SEL1L: variants seen among roughly 807,000 people sequenced by gnomAD.
The protein encoded by SEL1L is protein sel-1 homolog 1.
Under a neutral mutation model 109.8 loss-of-function variants are expected in SEL1L, and 52 were observed. The ratio of observed to expected loss-of-function variants is 0.47; its 90% CI spans 0.38 to 0.60. SEL1L has a LOEUF of 0.60. Ranked by LOEUF, SEL1L falls within the 20% of genes least tolerant of loss-of-function variation. The pLI is 0.00. For synonymous variants in SEL1L, 373 were observed against 339.6 expected (o/e 1.10, Z -1.08); for missense variants, 749 against 962.2 (o/e 0.78, Z 2.93).
intron 4 of SEL1L, 44 bp downstream of exon 4, chr14:81,506,030 G>T: frequency 6.3e-7 from 1 of 1,584,604 alleles, no homozygotes; most frequent in Non-Finnish European, 8.6e-7. Context: ...CATTGCCCTA[G>T]ACATAAAGCA....
intron 19 of SEL1L, among the ~76,000 whole-genome samples, chr14:81,480,063 C>T (rs1393811324): frequency 6.6e-6 from 1 of 152,198 alleles, no homozygotes; most frequent in African/African-American, 2.4e-5. Context: ...GAAACTCACA[C>T]TAATTTTTTG....
intron 4 of SEL1L, among the ~76,000 whole-genome samples, chr14:81,505,196 T>C (rs1308583955): frequency 2.0e-5 from 3 of 152,202 alleles, no homozygotes; most frequent in Non-Finnish European, 4.4e-5. Context: ...AACTATATAA[T>C]ACAAGTTAGT....
Position 81,497,943 on chromosome 14 carries a change from ATCT to A in SEL1L, c.1074_1076del (p.Glu358del). 4 of 1,614,130 alleles carry A rather than the reference ATCT, an allele frequency of 2.5e-6. No homozygotes were observed. The highest frequency in any genetic ancestry group is 1.1e-5 in the South Asian group (1 of 91,068). ...CTAGGAACTGGTAATATTGAATCAA[ATCT>A]TCTTCTAGCATTCCACTGTTCATTC... On this transcript the variant is annotated inframe_deletion, in exon 10 of 21. Transcript: ENST00000336735.
At chr14:81,533,620 T>C (rs1475104674) in intron 1 of SEL1L, 55 bp downstream of exon 1, 2 of 1,568,108 alleles carry the variant, frequency 1.3e-6, no homozygotes, top group Non-Finnish European at 1.7e-6. Flanking sequence ...CCGCCGGCTG[T>C]AGAGGCTGGG....
At chr14:81,480,467 T>C (rs909670960) in intron 19 of SEL1L, among the ~76,000 whole-genome samples, 6 of 152,160 alleles carry the variant, frequency 3.9e-5, no homozygotes, top group African/African-American at 7.2e-5. Flanking sequence ...CTCATTCTTA[T>C]AATCCCAACA....
chr14:81,499,551 T>C lies in SEL1L; in HGVS notation c.832-33A>G, dbSNP rs374600098. 29 of 1,607,678 alleles carry C rather than the reference T, an allele frequency of 1.8e-5. No homozygotes were observed. In the African/African-American group the frequency reaches 2.8e-4, roughly 16 times the overall value. On this transcript the variant is annotated intron_variant, in intron 7 of 20. Transcript: ENST00000336735. ...AGAACAAAACATGTTTAACTGAACA[T>C]AGGCACGCATTTATTCAATTCAAAT...
At chr14:81,501,380 T>A (rs1230497981) in intron 6 of SEL1L, among the ~76,000 whole-genome samples, 1 of 152,186 alleles carries the variant, frequency 6.6e-6, no homozygotes, top group Non-Finnish European at 1.5e-5. Context: ...AGGGAACTGA[T>A]GCCTTATAAA....
At chr14:81,495,570 C>T (rs1260277026) in intron 10 of SEL1L, among the ~76,000 whole-genome samples, 1 of 151,960 alleles carries the variant, frequency 6.6e-6, no homozygotes, top group Non-Finnish European at 1.5e-5. Flanking sequence ...CTGGAGAGGT[C>T]GAGGCTGCAG....
At chr14:81,523,407 G>C (rs1004439230) in intron 3 of SEL1L, among the ~76,000 whole-genome samples, 1 of 152,136 alleles carries the variant, frequency 6.6e-6, no homozygotes, top group Non-Finnish European at 1.5e-5. Flanking sequence ...GGCGTGATCA[G>C]ATCAGAGTGG....
chr14:81,506,206 G>T lies in SEL1L; in HGVS notation c.376C>A (p.Pro126Thr), dbSNP rs373856200. 3.1e-6 allele frequency: 5 copies of T among 1,612,628 alleles called. No individual in the cohort carries two copies. Among genetic ancestry groups the T allele is most frequent in the South Asian group, 1.1e-5 (1 of 90,772 alleles). ...AGGAAAAGAAAAGGGAAGTGGCAGG[G>T]CTCCCCATGTGCTGTGCCTTCAATG... is the stretch of plus-strand genomic sequence containing the variant. ...TAIEGTAHGE[P>T]CHFPFLFLDK... is the part of the protein sequence containing the mutation. The change falls in exon 4 of 21, where the codon CCC becomes ACC. Residue 126 changes from proline to threonine, a missense_variant. Pro to Thr is a conservative substitution (Grantham distance 38). Coordinates refer to ENST00000336735, the MANE Select transcript of SEL1L (RefSeq NM_005065.6).
intron 1 of SEL1L, among the ~76,000 whole-genome samples, chr14:81,530,912 ATAACAG>A (rs1190916805): frequency 5.3e-5 from 8 of 152,222 alleles, no homozygotes; most frequent in Non-Finnish European, 2.9e-5. Context: ...CAACTGTAAC[ATAACAG>A]TAAGTATTTG....
Position 81,526,943 on chromosome 14 carries a change from A to G in SEL1L, c.130T>C (p.Ser44Pro). The G allele has an allele frequency of 6.2e-7, 1 of 1,609,998 alleles. No individual in the cohort carries two copies. Among genetic ancestry groups the G allele is most frequent in the African/African-American group, 1.3e-5 (1 of 74,804 alleles). The change falls in exon 3 of 21, where the codon TCA becomes CCA. Residue 44 changes from serine (S) to proline (P), a missense_variant. Physicochemically the swap from Ser to Pro is moderately conservative, Grantham distance 74 (BLOSUM62 -1). Coordinates refer to ENST00000336735, the MANE Select transcript of SEL1L (RefSeq NM_005065.6). ...CCTGCAGTAGTATGGTCCTTTACTG[A>G]CTCATCTGATGTCAAAGTAGTCTGA... ...DSKTTLTSDE[S>P]VKDHTTAGRV... is the part of the protein sequence containing the mutation.
chr14:81,529,543 A>T (rs989604146), intron 1 of SEL1L, among the ~76,000 whole-genome samples: 16 of 152,236 alleles, frequency 1.1e-4, no homozygotes, highest in Non-Finnish European at 2.1e-4. Context: ...AGACATGTAC[A>T]TTTCACACAG....
At chr14:81,522,709 T>C (rs566301498) in intron 3 of SEL1L, among the ~76,000 whole-genome samples, 5 of 152,354 alleles carry the variant, frequency 3.3e-5, no homozygotes, top group African/African-American at 1.2e-4. Flanking sequence ...GTCCAGGACC[T>C]GGCCTGGTGG....
In SEL1L at chr14:81,474,930, C is replaced by T. The variant is rs1216982146; in HGVS notation, c.*2042G>A. 1 of 152,096 alleles carries T rather than the reference C, an allele frequency of 6.6e-6. No homozygotes were observed. The highest frequency in any genetic ancestry group is 1.5e-5 in the Non-Finnish European group (1 of 68,032). 9.4% of individuals were successfully genotyped at this position (152,096 alleles called of 1,614,324 possible). A position where few individuals can be genotyped will look rare whatever the true frequency, so the allele number is the denominator to read the frequency against. On this transcript the variant is annotated 3_prime_UTR_variant, in exon 21 of 21. Transcript: ENST00000336735. ...AAGAAATGTTTTCTCAAAGCACGTA[C>T]TCAATGGAGGGAAGGAAAGTTAGAT...
At chr14:81,510,106 G>C (rs563847100) in intron 3 of SEL1L, among the ~76,000 whole-genome samples, 107 of 152,266 alleles carry the variant, frequency 7.0e-4, no homozygotes, top group Non-Finnish European at 1.3e-3. Flanking sequence ...GGAACCAGCA[G>C]CCAACTGAAG....
At chr14:81,509,364 T>G (rs1002903309) in intron 3 of SEL1L, among the ~76,000 whole-genome samples, 8 of 152,220 alleles carry the variant, frequency 5.3e-5, no homozygotes, top group Non-Finnish European at 1.2e-4. Flanking sequence ...GTTATGCAAT[T>G]TAAATTAGCG....
At chr14:81,510,210 A>T (rs1164404798) in intron 3 of SEL1L, among the ~76,000 whole-genome samples, 1 of 152,172 alleles carries the variant, frequency 6.6e-6, no homozygotes, top group African/African-American at 2.4e-5. Context: ...ACTAGTGGAG[A>T]AGAGTAGATT....
At chr14:81,527,468 C>CACACACAA (rs1376649193) in intron 2 of SEL1L, among the ~76,000 whole-genome samples, 25 of 141,388 alleles carry the variant, frequency 1.8e-4, no homozygotes, top group African/African-American at 6.2e-4. Context: ...CACACACACA[C>CACACACAA]ACACAGAGCA....
Sources: allele counts gnomAD v4.1 joint callset (sites outside exome capture counted in the v4.1 genomes callset), GRCh38; gene constraint gnomAD v4.1.1; transcripts MANE v1.5; gene names NCBI Gene and HGNC (gene_info 2026-07-23, HGNC 2026-07-21).